Variants in ZSWIM9 observed in about 807,000 individuals in gnomAD.
ZSWIM9 encodes the protein uncharacterized protein ZSWIM9.
In ZSWIM9, 11 loss-of-function variants were observed where a neutral mutation model predicts 25.0. The ratio of observed to expected loss-of-function variants is 0.44; its 90% CI spans 0.28 to 0.73. The LOEUF is 0.73. Ranked by LOEUF, ZSWIM9 falls within the 30% of genes least tolerant of loss-of-function variation. The probability of loss-of-function intolerance (pLI) is 0.16; values close to 1 mark genes in which losing one functional copy is unlikely to be tolerated. For missense variants in ZSWIM9, 1,070 were observed against 1,296.5 expected, an observed-to-expected ratio of 0.83 and a Z score of 2.68; for synonymous variants, 562 against 582.1, an observed-to-expected ratio of 0.97 and a Z score of 0.50.
Position 48,172,071 on chromosome 19 carries a change from C to A in ZSWIM9, c.269C>A (p.Ala90Asp). Residue 90 changes from alanine to aspartate, a missense_variant, in exon 2 of 4, where the codon GCC (alanine) becomes GAC (aspartate). This residue lies in a region of ZSWIM9 where 265 missense variants were observed against 339.0 expected (regional missense o/e 0.78). Coordinates refer to ENST00000614654, the MANE Select transcript of ZSWIM9 (RefSeq NM_199341.4). ...CKDVRAPSRP[A>D]VGPPQPGCPA... is the part of the protein sequence containing the mutation. ...GACGTGCGTGCGCCCAGCCGGCCCG[C>A]CGTGGGGTGCGTGAACCTGAGCCGC... 2.0e-6 allele frequency: 3 copies of A among 1,495,694 alleles called. No individual in the cohort carries two copies. The highest frequency in any genetic ancestry group is 2.7e-6 in the Non-Finnish European group (3 of 1,121,262). The allele number at this position is 1,495,694 out of a possible 1,614,324, so 92.7% of individuals were successfully genotyped here. A position where few individuals can be genotyped will look rare whatever the true frequency, so the allele number is the denominator to read the frequency against.
chr19:48,193,383 G>C (rs974418488), intron 3 of ZSWIM9, among the ~76,000 whole-genome samples: 3 of 152,180 alleles, frequency 2.0e-5, no homozygotes, highest in Non-Finnish European at 2.9e-5. Context: ...ATTGTTCCAG[G>C]GCAGGTAGCA....
chr19:48,175,076 T>C (rs928309572), intron 2 of ZSWIM9, among the ~76,000 whole-genome samples: 1 of 152,208 alleles, frequency 6.6e-6, no homozygotes, highest in Non-Finnish European at 1.5e-5. Context: ...GAAGGCTTCC[T>C]GGAAGAGGTA....
chr19:48,189,281 T>C (rs533809808), intron 3 of ZSWIM9, among the ~76,000 whole-genome samples: 5 of 152,088 alleles, frequency 3.3e-5, no homozygotes, highest in Non-Finnish European at 7.4e-5. Context: ...TTGTGGTATA[T>C]CCATCCATGG....
rs184480098 is a variant in ZSWIM9, at chr19:48,186,269, G to A, written c.588+3502G>A. ...GCCACCCCCCACCCCCAGCAAGCAG[G>A]GCAGCCTAGTGTACACGCTGTTTTT... On this transcript the variant is annotated intron_variant, in intron 3 of 3. Coordinates refer to ENST00000614654, the MANE Select transcript of ZSWIM9 (RefSeq NM_199341.4). Among the ~76,000 whole-genome samples, 26 of 146,098 alleles carry A rather than the reference G, an allele frequency of 1.8e-4. 1 individual carries two copies. Among genetic ancestry groups the A allele is most frequent in the Admixed American group, 1.4e-3 (20 of 14,668 alleles).
rs2037137830 is a variant in ZSWIM9, at chr19:48,194,860, G to A, written c.796G>A (p.Gly266Ser). Reference sequence around the variant, plus strand: ...GGCTGCCTGCTGCGTGGCGCGCCCGGGCACACCGAGCCTGCTGCGCTTCGC... The same window carrying A: ...GGCTGCCTGCTGCGTGGCGCGCCCGAGCACACCGAGCCTGCTGCGCTTCGC... Reference protein sequence around the residue: ...RQAACCVARPGTPSLLRFALA... With the variant: ...RQAACCVARPSTPSLLRFALA... The change falls in exon 4 of 4, where the codon GGC becomes AGC. Residue 266 changes from glycine to serine, a missense_variant. Gly to Ser is a moderately conservative substitution (Grantham distance 56). Around this residue, in one of 4 missense-constraint regions of ZSWIM9, gnomAD observed 38 missense variants for 89.7 expected, o/e 0.42. Coordinates refer to ENST00000614654, the MANE Select transcript of ZSWIM9 (RefSeq NM_199341.4). This position sits in a 1 kb window ranked among gnomAD's most constrained non-coding sequence, Gnocchi z 6.0. 5 of 1,359,968 alleles carry A rather than the reference G, an allele frequency of 3.7e-6. No individual in the cohort carries two copies. Among genetic ancestry groups the A allele is most frequent in the African/African-American group, 1.6e-5 (1 of 64,420 alleles). 84.2% of individuals were successfully genotyped at this position (1,359,968 alleles called of 1,614,324 possible).
intron 3 of ZSWIM9, among the ~76,000 whole-genome samples, chr19:48,192,469 A>G (rs1292879941): frequency 0.012 from 286 of 23,814 alleles, 40 homozygotes; most frequent in East Asian, 0.018. Context: ...AAAAAAAAAA[A>G]AAAAAAAAAA....
rs1448128940 is a variant in ZSWIM9 at position 48,196,850 on chromosome 19, C to T, written c.*23C>T. On this transcript the variant is annotated 3_prime_UTR_variant, in exon 4 of 4. Transcript: ENST00000614654. ...TGACCCTTCATGCCTCTGCCCACCA[C>T]CCTCCACCAGGAGGGTCGGAGGGCA... 2 of 1,246,452 alleles carry T rather than the reference C, an allele frequency of 1.6e-6. No homozygotes were observed. The highest frequency in any genetic ancestry group is 2.0e-6 in the Non-Finnish European group (2 of 996,818). 77.2% of individuals were successfully genotyped at this position (1,246,452 alleles called of 1,614,324 possible). A position where few individuals can be genotyped will look rare whatever the true frequency, so the allele number is the denominator to read the frequency against.
chr19:48,196,657 G>A lies in ZSWIM9; in HGVS notation c.2593G>A (p.Gly865Ser), dbSNP rs995314482. The A allele has an allele frequency of 2.4e-6, 3 of 1,232,720 alleles. No homozygotes were observed. The highest frequency in any genetic ancestry group is 1.5e-5 in the African/African-American group (1 of 64,526). The allele number at this position is 1,232,720 out of a possible 1,614,324, so 76.4% of individuals were successfully genotyped here. Residue 865 changes from glycine to serine, a missense_variant, in exon 4 of 4, where the codon GGC (glycine) becomes AGC (serine). Physicochemically the swap from Gly to Ser is moderately conservative, Grantham distance 56. Coordinates refer to ENST00000614654, the MANE Select transcript of ZSWIM9 (RefSeq NM_199341.4). ...CGGAGCTGGCTTTGCCCTTAAGGAC[G>A]GCACCTCGGACTTCTTCCTGGATGG... ...WTGAGFALKD[G>S]TSDFFLDGAL...
In ZSWIM9 at chr19:48,182,925, G is replaced by GA; in HGVS notation, c.588+159dup. ...AATAAGTACTTACCGAGGCATTGGG[G>GA]ATGCAGCAGCAAACCAGACCCACGT... On this transcript the variant is annotated intron_variant, in intron 3 of 3. Transcript: ENST00000614654. The surrounding 1 kb of genome is among the most constrained non-coding windows in gnomAD (Gnocchi z 4.6). 1.5e-6 allele frequency: 1 copy of GA among 649,884 alleles called. No homozygotes were observed. Among genetic ancestry groups the GA allele is most frequent in the South Asian group, 1.9e-5 (1 of 51,436 alleles). 40.3% of individuals were successfully genotyped at this position (649,884 alleles called of 1,614,324 possible).
At chr19:48,192,497 A>ATG (rs2037108333) in intron 3 of ZSWIM9, among the ~76,000 whole-genome samples, 1 of 55,016 alleles carries the variant, frequency 1.8e-5, no homozygotes, top group Non-Finnish European at 4.2e-5. Context: ...ATATATATAT[A>ATG]TACACACACA....
intron 2 of ZSWIM9, among the ~76,000 whole-genome samples, chr19:48,174,169 G>A (rs1156674346): frequency 6.6e-6 from 1 of 151,758 alleles, no homozygotes; most frequent in Non-Finnish European, 1.5e-5. Flanking sequence ...CTTGGTTGGG[G>A]AGCTGTAGAC....
At position 48,185,514 on chromosome 19, in the gene ZSWIM9, C is replaced by G. The variant is rs370510737; in HGVS notation, c.588+2747C>G. ...TAGTGAAGCAACATTTAAATATTTA[C>G]TTTTTGAATATGTCATACATTCACA... On this transcript the variant is annotated intron_variant, in intron 3 of 3. Transcript: ENST00000614654. Among the ~76,000 whole-genome samples, 8 of 152,316 alleles carry G rather than the reference C, an allele frequency of 5.3e-5. No homozygotes were observed. The East Asian group carries it at 9.6e-4, about 18-fold the overall frequency.
At chr19:48,189,834 T>A (rs143342711) in intron 3 of ZSWIM9, among the ~76,000 whole-genome samples, 1 of 152,164 alleles carries the variant, frequency 6.6e-6, no homozygotes, top group South Asian at 2.1e-4. Flanking sequence ...AGACCTTTTA[T>A]GTATCGCTTT....
At chr19:48,171,448 A>G (rs2036807627) in intron 1 of ZSWIM9, 2 of 925,734 alleles carry the variant, frequency 2.2e-6, no homozygotes, top group Middle Eastern at 5.6e-4. Context: ...TTGAGAACAC[A>G]TTTGAGGAGA....
At chr19:48,180,173 C>T (rs1200301771) in intron 2 of ZSWIM9, among the ~76,000 whole-genome samples, 3 of 152,100 alleles carry the variant, frequency 2.0e-5, no homozygotes, top group East Asian at 1.9e-4. Flanking sequence ...TGCACCACCA[C>T]GCCTGGCTAA....
Position 48,196,292 on chromosome 19 carries a change from G to A in ZSWIM9, c.2228G>A (p.Ser743Asn). The change falls in exon 4 of 4, where the codon AGC becomes AAC. Residue 743 changes from serine to asparagine, a missense_variant. This residue lies in a region of ZSWIM9 where 583 missense variants were observed against 624.7 expected (regional missense o/e 0.93). Coordinates refer to ENST00000614654, the MANE Select transcript of ZSWIM9 (RefSeq NM_199341.4). ...GGAGCCCGGTCCGTGGGCCCCAAGA[G>A]CCGAGCCGGACGAGGGATGGAGTGG... is the stretch of plus-strand genomic sequence containing the variant. ...GGGARSVGPK[S>N]RAGRGMEWGD... 1 of 1,233,956 alleles carries A rather than the reference G, an allele frequency of 8.1e-7. No individual in the cohort carries two copies. The highest frequency in any genetic ancestry group is 1.0e-6 in the Non-Finnish European group (1 of 989,342). The allele number at this position is 1,233,956 out of a possible 1,614,324, so 76.4% of individuals were successfully genotyped here.
chr19:48,194,656 A>C lies in ZSWIM9; in HGVS notation c.592A>C (p.Lys198Gln). The change falls in exon 4 of 4, where the codon AAG becomes CAG. Residue 198 changes from lysine (K) to glutamine (Q), a missense_variant. Physicochemically the swap from Lys to Gln is moderately conservative, Grantham distance 53. Coordinates refer to ENST00000614654, the MANE Select transcript of ZSWIM9 (RefSeq NM_199341.4). The surrounding 1 kb of genome is among the most constrained non-coding windows in gnomAD (Gnocchi z 6.0). ...LFRTDPEAKV[K>Q]LVFVEDQAVV... is the part of the protein sequence containing the mutation. The stretch of plus-strand genomic sequence containing the variant: ...GCCTCCCTGCCCCCGCCCGCAGGTG[A>C]AGCTGGTGTTCGTGGAGGACCAGGC... The C allele has an allele frequency of 2.1e-6, 3 of 1,451,760 alleles. No homozygotes were observed. The highest frequency in any genetic ancestry group is 2.7e-6 in the Non-Finnish European group (3 of 1,099,240). The allele number at this position is 1,451,760 out of a possible 1,614,324, so 89.9% of individuals were successfully genotyped here.
chr19:48,195,201 C>G lies in ZSWIM9; in HGVS notation c.1137C>G (p.Arg379=). ...CCGCCTTCGTGGACTACTTCGAGCGCAACTGGGAGCCCCGCCGCGACATGT... is the reference window on the plus strand; with the variant it reads ...CCGCCTTCGTGGACTACTTCGAGCGGAACTGGGAGCCCCGCCGCGACATGT... ...GPAAFVDYFE[R]NWEPRRDMWV... The change falls in exon 4 of 4, where the codon CGC becomes CGG. Residue 379 remains arginine, a synonymous_variant. Coordinates refer to ENST00000614654, the MANE Select transcript of ZSWIM9 (RefSeq NM_199341.4). The surrounding 1 kb of genome is among the most constrained non-coding windows in gnomAD (Gnocchi z 5.8). The G allele has an allele frequency of 2.0e-6, 3 of 1,526,394 alleles. No individual in the cohort carries two copies. The highest frequency in any genetic ancestry group is 2.6e-6 in the Non-Finnish European group (3 of 1,141,376). 94.6% of individuals were successfully genotyped at this position (1,526,394 alleles called of 1,614,324 possible). A position where few individuals can be genotyped will look rare whatever the true frequency, so the allele number is the denominator to read the frequency against.
chr19:48,187,976 A>G lies in ZSWIM9; in HGVS notation c.588+5209A>G, dbSNP rs1312889798. 6.6e-5 allele frequency among the ~76,000 whole-genome samples: 10 copies of G among 151,726 alleles called. No homozygotes were observed. In the East Asian group the frequency reaches 1.9e-3, roughly 29 times the overall value. On this transcript the variant is annotated intron_variant, in intron 3 of 3. Transcript: ENST00000614654. The stretch of plus-strand genomic sequence containing the variant: ...GATAGATAGATAGATAGATAGATAG[A>G]TAGATAGATAGACAGACAGACAGCA...
Sources: allele counts gnomAD v4.1 joint callset (sites outside exome capture counted in the v4.1 genomes callset), GRCh38; gene constraint gnomAD v4.1.1; regional missense constraint gnomAD v4.1.1; non-coding constraint Gnocchi (gnomAD v3.1); transcripts MANE v1.5; gene names NCBI Gene and HGNC (gene_info 2026-07-23, HGNC 2026-07-21).